The following TMEM109 variants were observed in gnomAD, a reference collection of about 807,000 sequenced individuals.
The protein encoded by TMEM109 is voltage-gated monoatomic cation channel TMEM109.
In TMEM109, 19 loss-of-function variants were observed where a neutral mutation model predicts 26.4. The observed-to-expected ratio is 0.72, with a 90% CI of 0.50 to 1.06. The LOEUF (loss-of-function observed/expected upper bound fraction) is 1.06, where lower values mean the gene tolerates loss of function less well. Ranked by LOEUF, TMEM109 falls within the 50% of genes least tolerant of loss-of-function variation. The pLI, the probability that TMEM109 is intolerant of heterozygous loss-of-function variation, is 0.00. For missense variants in TMEM109, 262 were observed against 303.4 expected (o/e 0.86, Z 1.01); for synonymous variants, 129 against 142.0 (o/e 0.91, Z 0.65).
At position 60,922,509 on chromosome 11, in the gene TMEM109, T is replaced by G; in HGVS notation, c.*344T>G. The G allele has an allele frequency of 1.6e-6, 1 of 623,360 alleles. No homozygotes were observed. 38.6% of individuals were successfully genotyped at this position (623,360 alleles called of 1,614,324 possible). A position where few individuals can be genotyped will look rare whatever the true frequency, so the allele number is the denominator to read the frequency against. Reference sequence around the variant, plus strand: ...GTTGGTCTCTCATGACTTAACTGGCTTCCCTCTGCTGCTGCCTTGGCTTCC... The same window carrying G: ...GTTGGTCTCTCATGACTTAACTGGCGTCCCTCTGCTGCTGCCTTGGCTTCC... On this transcript the variant is annotated 3_prime_UTR_variant, in exon 4 of 4. Coordinates refer to ENST00000227525, the MANE Select transcript of TMEM109 (RefSeq NM_024092.3).
At chr11:60,921,227 G>A (rs527527500) in intron 3 of TMEM109, among the ~76,000 whole-genome samples, 251 of 152,252 alleles carry the variant, frequency 1.6e-3, no homozygotes, top group Non-Finnish European at 2.4e-3. Flanking sequence ...CCAGAAGTTT[G>A]AGACCAGCCT....
rs893778230 is a variant in TMEM109, at chr11:60,923,251, C to G, written c.*1086C>G. 3 of 152,688 alleles carry G rather than the reference C, an allele frequency of 2.0e-5. No homozygotes were observed. Among genetic ancestry groups the G allele is most frequent in the African/African-American group, 4.8e-5 (2 of 41,456 alleles). The allele number at this position is 152,688 out of a possible 1,614,324, so 9.5% of individuals were successfully genotyped here. On this transcript the variant is annotated 3_prime_UTR_variant, in exon 4 of 4. Transcript: ENST00000227525. ...TAGGGGCCACTTTTCCTTTGAGGCTCTAGTGGAGGTGGATGTCCTTCTCTG... is the reference window on the plus strand; with the variant it reads ...TAGGGGCCACTTTTCCTTTGAGGCTGTAGTGGAGGTGGATGTCCTTCTCTG...
chr11:60,919,731 A>G lies in TMEM109; in HGVS notation c.38A>G (p.His13Arg), dbSNP rs202168570. 1.2e-6 allele frequency: 2 copies of G among 1,614,178 alleles called. No homozygotes were observed. Among genetic ancestry groups the G allele is most frequent in the South Asian group, 1.1e-5 (1 of 91,072 alleles). The change falls in exon 2 of 4, where the codon CAT (histidine) becomes CGT (arginine). Residue 13 changes from histidine to arginine, a missense_variant. Coordinates refer to ENST00000227525, the MANE Select transcript of TMEM109 (RefSeq NM_024092.3). ...ASSISSPWGKHVFKAILMVLV... is the reference protein window; with the variant it reads ...ASSISSPWGKRVFKAILMVLV... Reference sequence around the variant, plus strand: ...AGCATCAGTTCACCATGGGGAAAGCATGTGTTCAAAGCCATTCTGATGGTC... The same window carrying G: ...AGCATCAGTTCACCATGGGGAAAGCGTGTGTTCAAAGCCATTCTGATGGTC...
chr11:60,916,790 G>A (rs1403492276), intron 1 of TMEM109, among the ~76,000 whole-genome samples: 1 of 152,192 alleles, frequency 6.6e-6, no homozygotes, highest in Non-Finnish European at 1.5e-5. Context: ...AGTTGGGGCT[G>A]GCACAGAACA....
Position 60,920,872 on chromosome 11 carries a change from T to C in TMEM109, c.238-14T>C, listed in dbSNP as rs1856227783. 2 of 1,610,618 alleles carry C rather than the reference T, an allele frequency of 1.2e-6. No homozygotes were observed. The highest frequency in any genetic ancestry group is 1.3e-5 in the African/African-American group (1 of 74,898). On this transcript the variant is annotated splice_polypyrimidine_tract_variant and intron_variant, in intron 2 of 3. Transcript: ENST00000227525. The stretch of plus-strand genomic sequence containing the variant: ...TTCATTATGAACTCATCTCGCTCCG[T>C]GCTCTTTCCACAGTCTTCGTCCCAA...
In TMEM109 at chr11:60,919,868, C is replaced by T. The variant is rs754913552; in HGVS notation, c.175C>T (p.Arg59Ter). ...APVDVLTQIG[R>*]SVRGTLDAWI... Reference sequence around the variant, plus strand: ...AGTTGATGTCTTGACCCAGATAGGTCGATCTGTGCGAGGGACACTGGATGC... The same window carrying T: ...AGTTGATGTCTTGACCCAGATAGGTTGATCTGTGCGAGGGACACTGGATGC... Residue 59 changes from arginine (R) to a stop codon, truncating the protein, a stop_gained, in exon 2 of 4, where the codon CGA (arginine) becomes TGA (stop). Coordinates refer to ENST00000227525, the MANE Select transcript of TMEM109 (RefSeq NM_024092.3). LOFTEE classifies it high-confidence loss of function. 2 of 1,614,130 alleles carry T rather than the reference C, an allele frequency of 1.2e-6. No individual in the cohort carries two copies. The highest frequency in any genetic ancestry group is 1.7e-5 in the Admixed American group (1 of 60,012).
In TMEM109 at chr11:60,921,990, C is replaced by G; in HGVS notation, c.557C>G (p.Ala186Gly). ...MRSVPDPSTR[A>G]LLLLALLILY... ...TCGGTGCCTGACCCTTCCACCCGGG[C>G]CCTGCTACTCCTGGCCTTGCTGATC... The change falls in exon 4 of 4, where the codon GCC becomes GGC. Residue 186 changes from alanine to glycine, a missense_variant. Coordinates refer to ENST00000227525, the MANE Select transcript of TMEM109 (RefSeq NM_024092.3). 6.2e-7 allele frequency: 1 copy of G among 1,613,376 alleles called. No individual in the cohort carries two copies. The highest frequency in any genetic ancestry group is 8.5e-7 in the Non-Finnish European group (1 of 1,179,948).
rs1313235936 is a variant in TMEM109 at position 60,919,900 on chromosome 11, T to G, written c.207T>G (p.Ile69Met). The G allele has an allele frequency of 1.2e-5, 19 of 1,614,066 alleles. No homozygotes were observed. The highest frequency in any genetic ancestry group is 1.5e-5 in the Non-Finnish European group (18 of 1,180,032). ...RSVRGTLDAW[I>M]GPETMHLVSE... ...TGCGAGGGACACTGGATGCCTGGAT[T>G]GGGCCAGAGACCATGCACCTGGTGT... The change falls in exon 2 of 4, where the codon ATT (isoleucine) becomes ATG (methionine). Residue 69 changes from isoleucine to methionine, a missense_variant. By Grantham distance (10) the Ile-to-Met change is conservative (BLOSUM62 1). Transcript: ENST00000227525.
chr11:60,920,032 CAG>C, intron 2 of TMEM109, 102 bp downstream of exon 2: 1 of 944,000 alleles, frequency 1.1e-6, no homozygotes. Context: ...CTCTCTGGTG[CAG>C]AGAGCCCCAA....
In TMEM109 at chr11:60,920,160, C is replaced by T. The variant is rs563460371; in HGVS notation, c.237+230C>T. Reference sequence around the variant, plus strand: ...TTCCTGGCTCCTGCCCTTTCCTTGCCAGAAAGGCTGGGAAATGAGCCATCT... The same window carrying T: ...TTCCTGGCTCCTGCCCTTTCCTTGCTAGAAAGGCTGGGAAATGAGCCATCT... On this transcript the variant is annotated intron_variant, in intron 2 of 3. Transcript: ENST00000227525. Among the ~76,000 whole-genome samples, 3 of 152,302 alleles carry T rather than the reference C, an allele frequency of 2.0e-5. No individual in the cohort carries two copies. In the East Asian group the frequency reaches 5.8e-4, roughly 29 times the overall value.
At chr11:60,921,083 A>G (rs531056433) in intron 3 of TMEM109, 95 bp downstream of exon 3, 2 of 1,126,220 alleles carry the variant, frequency 1.8e-6, no homozygotes, top group Admixed American at 1.8e-5. Flanking sequence ...CTTTTCCCCA[A>G]GCTGCTTAAC....
chr11:60,921,856 C>T lies in TMEM109; in HGVS notation c.423C>T (p.Val141=). 6.2e-7 allele frequency: 1 copy of T among 1,614,222 alleles called. No individual in the cohort carries two copies. Among genetic ancestry groups the T allele is most frequent in the Non-Finnish European group, 8.5e-7 (1 of 1,180,042 alleles). The change falls in exon 4 of 4, where the codon GTC becomes GTT. Residue 141 remains valine, a synonymous_variant. Transcript: ENST00000227525. ...TGTGGGGAGCAGGGGCCCTGGTCGT[C>T]TACTGGCTGCTGTCTCTGCTCCTCG... ...FLLWGAGALV[V]YWLLSLLLGL...
At position 60,921,977 on chromosome 11, in the gene TMEM109, C is replaced by G; in HGVS notation, c.544C>G (p.Pro182Ala). 6.2e-7 allele frequency: 1 copy of G among 1,613,688 alleles called. No individual in the cohort carries two copies. The highest frequency in any genetic ancestry group is 1.1e-5 in the South Asian group (1 of 91,086). Residue 182 changes from proline (P) to alanine (A), a missense_variant, in exon 4 of 4, where the codon CCT (proline) becomes GCT (alanine). Pro to Ala is a conservative substitution (Grantham distance 27). Coordinates refer to ENST00000227525, the MANE Select transcript of TMEM109 (RefSeq NM_024092.3). ...GGCCCTGATGAGGTCGGTGCCTGAC[C>G]CTTCCACCCGGGCCCTGCTACTCCT... ...FVALMRSVPD[P>A]STRALLLLAL...
In TMEM109 at chr11:60,922,091, G is replaced by A; in HGVS notation, c.658G>A (p.Glu220Lys). Residue 220 changes from glutamate (E) to lysine (K), a missense_variant, in exon 4 of 4, where the codon GAA becomes AAA. Transcript: ENST00000227525. ...AQLEAKVRGL[E>K]RQVEELRWRQ... ...ACTCGAGGCCAAGGTGCGAGGGCTGGAACGCCAGGTGGAGGAGCTGCGCTG... is the reference window on the plus strand; with the variant it reads ...ACTCGAGGCCAAGGTGCGAGGGCTGAAACGCCAGGTGGAGGAGCTGCGCTG... 1 of 1,613,214 alleles carries A rather than the reference G, an allele frequency of 6.2e-7. No individual in the cohort carries two copies. Among genetic ancestry groups the A allele is most frequent in the Non-Finnish European group, 8.5e-7 (1 of 1,179,852 alleles).
At position 60,919,693 on chromosome 11, in the gene TMEM109, C is replaced by T. The variant is rs549813233; in HGVS notation, c.-1C>T. 5.6e-6 allele frequency: 9 copies of T among 1,613,918 alleles called. No individual in the cohort carries two copies. The South Asian group carries it at 8.8e-5, about 16-fold the overall frequency. ...GTGCTTCTCTCCTGGCAGACCCAGT[C>T]ATGGCAGCCTCCAGCATCAGTTCAC... On this transcript the variant is annotated 5_prime_UTR_variant, in exon 2 of 4. Coordinates refer to ENST00000227525, the MANE Select transcript of TMEM109 (RefSeq NM_024092.3).
In TMEM109 at chr11:60,922,386, C is replaced by T; in HGVS notation, c.*221C>T. 1.3e-6 allele frequency: 2 copies of T among 1,528,704 alleles called. No individual in the cohort carries two copies. Among genetic ancestry groups the T allele is most frequent in the Non-Finnish European group, 1.8e-6 (2 of 1,142,236 alleles). 94.7% of individuals were successfully genotyped at this position (1,528,704 alleles called of 1,614,324 possible). On this transcript the variant is annotated 3_prime_UTR_variant, in exon 4 of 4. Transcript: ENST00000227525. The stretch of plus-strand genomic sequence containing the variant: ...TCTGAGGTTCTCTGTCTGGGGTTGG[C>T]TCTCTTAACCCTTTCTCTGCTCCCA...
chr11:60,917,962 C>T (rs1856190393), intron 1 of TMEM109, among the ~76,000 whole-genome samples: 1 of 152,182 alleles, frequency 6.6e-6, no homozygotes, highest in Non-Finnish European at 1.5e-5. Flanking sequence ...TGTGCCTGGC[C>T]TGTATGACTT....
rs1374980854 is a variant in TMEM109, at chr11:60,923,311, C to G, written c.*1146C>G. ...GCACATGATGTGAAGAATAAATGCC[C>G]AATTCTTACTGTTCAGGTTTGATGT... On this transcript the variant is annotated 3_prime_UTR_variant, in exon 4 of 4. Coordinates refer to ENST00000227525, the MANE Select transcript of TMEM109 (RefSeq NM_024092.3). The G allele has an allele frequency of 6.6e-6, 1 of 152,634 alleles. No homozygotes were observed. The highest frequency in any genetic ancestry group is 1.9e-4 in the East Asian group (1 of 5,196). 9.5% of individuals were successfully genotyped at this position (152,634 alleles called of 1,614,324 possible). A position where few individuals can be genotyped will look rare whatever the true frequency, so the allele number is the denominator to read the frequency against.
intron 1 of TMEM109, among the ~76,000 whole-genome samples, chr11:60,915,030 G>T (rs1223711321): frequency 1.3e-5 from 2 of 152,196 alleles, no homozygotes; most frequent in Non-Finnish European, 2.9e-5. Flanking sequence ...CGGTTTCTTG[G>T]CAGGTTGCTA....
Sources: allele counts gnomAD v4.1 joint callset (sites outside exome capture counted in the v4.1 genomes callset), GRCh38; gene constraint gnomAD v4.1.1; transcripts MANE v1.5; gene names NCBI Gene and HGNC (gene_info 2026-07-23, HGNC 2026-07-21).